Variants in AHI1 observed in about 807,000 individuals in gnomAD.
AHI1 encodes jouberin.
In AHI1, 123 loss-of-function variants were observed where a neutral mutation model predicts 149.3. The observed-to-expected ratio is 0.82, with a 90% CI of 0.71 to 0.96. The LOEUF (loss-of-function observed/expected upper bound fraction) is 0.96, where lower values mean the gene tolerates loss of function less well. AHI1 is among the 40% of genes least tolerant of loss of function. AHI1 has a pLI of 0.00. For synonymous variants in AHI1, 475 were observed against 459.8 expected (o/e 1.03, Z -0.42); for missense variants, 1,439 against 1,422.7 (o/e 1.01, Z -0.18).
chr6:135,300,680 A>G, intron 26 of AHI1, 122 bp from the exon 27 acceptor site: 1 of 1,506,854 alleles, frequency 6.6e-7, no homozygotes, highest in South Asian at 1.3e-5. Flanking sequence ...TGTTCTGAAC[A>G]GGAATATCTA....
chr6:135,366,235 T>G (rs1201719870), intron 23 of AHI1, among the ~76,000 whole-genome samples: 1 of 150,948 alleles, frequency 6.6e-6, no homozygotes, highest in Admixed American at 6.6e-5. Context: ...GATATTGGTC[T>G]GCAGTTTTCT....
At chr6:135,363,105 T>G (rs933581551) in intron 23 of AHI1, among the ~76,000 whole-genome samples, 19 of 151,600 alleles carry the variant, frequency 1.3e-4, no homozygotes, top group African/African-American at 4.4e-4. Flanking sequence ...GAGGGGGATT[T>G]GGCAGGGTCA....
chr6:135,394,754 T>C, intron 23 of AHI1, 22 bp downstream of exon 23: 12 of 1,608,798 alleles, frequency 7.5e-6, no homozygotes, highest in Non-Finnish European at 1.0e-5. Context: ...AAAAGAATTG[T>C]CAAAGTAAGA....
chr6:135,448,504 A>G (rs1380157440), intron 11 of AHI1, 29 bp from the exon 12 acceptor site: 1 of 1,397,732 alleles, frequency 7.2e-7, no homozygotes, highest in Non-Finnish European at 9.5e-7. Context: ...ATAAAATGTT[A>G]CCTTCATTGA....
rs764830616 is a variant in AHI1, at chr6:135,411,430, G to A, written c.2879C>T (p.Ser960Phe). Residue 960 changes from serine to phenylalanine, a missense_variant, in exon 21 of 29, where the codon TCT becomes TTT. Physicochemically the swap from Ser to Phe is radical, Grantham distance 155. Coordinates refer to ENST00000265602, the MANE Select transcript of AHI1 (RefSeq NM_001134831.2). ...CTCPKLPHQGSFQIDEFVHTE... is the reference protein window; with the variant it reads ...CTCPKLPHQGFFQIDEFVHTE... Reference sequence around the variant, plus strand: ...GTGGACAAATTCATCAATCTGAAAAGAGCCTTGATGGGGTAGTTTTGGACA... The same window carrying A: ...GTGGACAAATTCATCAATCTGAAAAAAGCCTTGATGGGGTAGTTTTGGACA... 2 of 1,613,828 alleles carry A rather than the reference G, an allele frequency of 1.2e-6. No homozygotes were observed. The highest frequency in any genetic ancestry group is 1.7e-6 in the Non-Finnish European group (2 of 1,179,746).
intron 15 of AHI1, among the ~76,000 whole-genome samples, chr6:135,433,508 T>C (rs893487835): frequency 1.3e-5 from 2 of 152,168 alleles, no homozygotes; most frequent in Non-Finnish European, 2.9e-5. Flanking sequence ...ATCTATACTA[T>C]AAAATTAATA....
intron 24 of AHI1, among the ~76,000 whole-genome samples, chr6:135,351,852 G>A (rs1416203945): frequency 2.0e-5 from 3 of 152,172 alleles, no homozygotes; most frequent in Admixed American, 2.0e-4. Context: ...TCTAAAGACT[G>A]GACCTGCGCC....
chr6:135,381,307 TA>T (rs1274357837), intron 23 of AHI1, among the ~76,000 whole-genome samples: 2 of 152,180 alleles, frequency 1.3e-5, no homozygotes, highest in African/African-American at 4.8e-5. Flanking sequence ...CAATGAGATG[TA>T]AAAGACTTGA....
intron 5 of AHI1, among the ~76,000 whole-genome samples, chr6:135,469,487 A>C (rs760525993): frequency 6.6e-6 from 1 of 152,220 alleles, no homozygotes; most frequent in Non-Finnish European, 1.5e-5. Context: ...TTTAAAATTC[A>C]TATGGAACAA....
chr6:135,433,071 T>C lies in AHI1; in HGVS notation c.2222A>G (p.Asp741Gly), dbSNP rs369869567. ...EDSAILVRQF[D>G]VHKSFINSLC... ...TGAGTTGATAAAACTTTTGTGAACA[T>C]CAAACTGTCGGACCAATATGGCAGA... is the stretch of plus-strand genomic sequence containing the variant. Residue 741 changes from aspartate to glycine, a missense_variant, in exon 16 of 29, where the codon GAT (aspartate) becomes GGT (glycine). Coordinates refer to ENST00000265602, the MANE Select transcript of AHI1 (RefSeq NM_001134831.2). 369 of 1,613,532 alleles carry C rather than the reference T, an allele frequency of 2.3e-4. No individual in the cohort carries two copies. The highest frequency in any genetic ancestry group is 2.9e-4 in the Non-Finnish European group (340 of 1,179,678).
At chr6:135,411,636 G>T in intron 20 of AHI1, 92 bp from the exon 21 acceptor site, 1 of 1,013,372 alleles carries the variant, frequency 9.9e-7, no homozygotes, top group Non-Finnish European at 1.3e-6. Flanking sequence ...ATCAGAAACT[G>T]CATAACACAT....
chr6:135,472,018 CAAAAAAAAAAAAAAAA>C lies in AHI1; in HGVS notation c.136-4400_136-4385del, dbSNP rs541390652. On this transcript the variant is annotated intron_variant, in intron 5 of 28. Coordinates refer to ENST00000265602, the MANE Select transcript of AHI1 (RefSeq NM_001134831.2). ...TGGGCGACAGAGCGAGACTCCGTCTCAAAAAAAAAAAAAAAAAAAAAAAAAAAAAAAGATATAGCTT... is the reference window on the plus strand; with the variant it reads ...TGGGCGACAGAGCGAGACTCCGTCTCAAAAAAAAAAAAAAAGATATAGCTT... Among the ~76,000 whole-genome samples, 68 of 54,422 alleles carry C rather than the reference CAAAAAAAAAAAAAAAA, an allele frequency of 1.2e-3. 1 individual carries two copies. Among genetic ancestry groups the C allele is most frequent in the Non-Finnish European group, 1.8e-3 (57 of 32,324 alleles). The allele number at this position is 54,422 out of a possible 152,430, so 35.7% of individuals were successfully genotyped here.
intron 8 of AHI1, among the ~76,000 whole-genome samples, chr6:135,458,399 T>C (rs571671179): frequency 1.3e-5 from 2 of 152,304 alleles, no homozygotes; most frequent in Non-Finnish European, 2.9e-5. Context: ...CTCAAACACA[T>C]GACCAATTCT....
At chr6:135,340,372 A>G (rs1582685010) in intron 24 of AHI1, among the ~76,000 whole-genome samples, 1 of 152,160 alleles carries the variant, frequency 6.6e-6, no homozygotes, top group South Asian at 2.1e-4. Context: ...CTCTGTCTCA[A>G]AAAACAAAAA....
At chr6:135,381,910 C>T (rs536531596) in intron 23 of AHI1, among the ~76,000 whole-genome samples, 3 of 152,272 alleles carry the variant, frequency 2.0e-5, no homozygotes, top group Non-Finnish European at 2.9e-5. Context: ...TGATGAAATG[C>T]TTCAATTAAC....
intron 28 of AHI1, among the ~76,000 whole-genome samples, chr6:135,287,713 A>C (rs1472326961): frequency 6.6e-6 from 1 of 152,266 alleles, no homozygotes; most frequent in Non-Finnish European, 1.5e-5. Flanking sequence ...AAGAGAAAGA[A>C]ACATTCTTCT....
intron 24 of AHI1, among the ~76,000 whole-genome samples, chr6:135,347,996 T>C (rs1285993872): frequency 6.6e-6 from 1 of 152,230 alleles, no homozygotes; most frequent in East Asian, 1.9e-4. Flanking sequence ...ACTTAATCTT[T>C]ATGCATCTAG....
At chr6:135,344,035 C>A (rs1159358854) in intron 24 of AHI1, among the ~76,000 whole-genome samples, 1 of 151,880 alleles carries the variant, frequency 6.6e-6, no homozygotes, top group Non-Finnish European at 1.5e-5. Context: ...TTCCAGGATT[C>A]CCCTTGGACA....
At position 135,318,523 on chromosome 6, in the gene AHI1, T is replaced by C. The variant is rs1196382324; in HGVS notation, c.3422A>G (p.Gln1141Arg). Residue 1141 changes from glutamine (Q) to arginine (R), a missense_variant, in exon 26 of 29, where the codon CAA (glutamine) becomes CGA (arginine). Coordinates refer to ENST00000265602, the MANE Select transcript of AHI1 (RefSeq NM_001134831.2). ...KTKIEKSPAP[Q>R]KQSINKNKSQ... The stretch of plus-strand genomic sequence containing the variant: ...CGTATGCTCAAAAACATTTACCTTT[T>C]GAGGAGCTGGAGATTTTTCTATTTT... The C allele has an allele frequency of 1.8e-5, 29 of 1,579,650 alleles. No homozygotes were observed. Among genetic ancestry groups the C allele is most frequent in the Non-Finnish European group, 2.4e-5 (28 of 1,159,436 alleles).
Sources: allele counts gnomAD v4.1 joint callset (sites outside exome capture counted in the v4.1 genomes callset), GRCh38; gene constraint gnomAD v4.1.1; transcripts MANE v1.5; gene names NCBI Gene and HGNC (gene_info 2026-07-23, HGNC 2026-07-21).